Variants in PIP5K1B observed in about 807,000 individuals in gnomAD.
PIP5K1B encodes phosphatidylinositol 4-phosphate 5-kinase type-1 beta.
Under a neutral mutation model 67.0 loss-of-function variants are expected in PIP5K1B, and 42 were observed. The observed-to-expected ratio is 0.63, with a 90% confidence interval of 0.49 to 0.81. The LOEUF is 0.81. Ranked by LOEUF, PIP5K1B falls within the 30% of genes least tolerant of loss-of-function variation. The pLI is 0.00. For missense variants in PIP5K1B, 459 were observed against 646.3 expected (o/e 0.71, Z 3.14); for synonymous variants, 214 against 231.4 (o/e 0.92, Z 0.68).
chr9:68,989,120 A>T (rs1235151695), intron 14 of PIP5K1B, among the ~76,000 whole-genome samples: 1 of 147,724 alleles, frequency 6.8e-6, no homozygotes. Context: ...AAAAAAAAAA[A>T]TCCACACAAT....
At chr9:68,708,998 A>G (rs773144337) in intron 1 of PIP5K1B, among the ~76,000 whole-genome samples, 18 of 152,220 alleles carry the variant, frequency 1.2e-4, no homozygotes, top group Non-Finnish European at 2.5e-4. Flanking sequence ...TATGGTCACA[A>G]AGATGATAGC....
intron 1 of PIP5K1B, among the ~76,000 whole-genome samples, chr9:68,729,485 A>C: frequency 6.6e-6 from 1 of 152,156 alleles, no homozygotes; most frequent in Admixed American, 6.5e-5. Flanking sequence ...AACTGTATTA[A>C]AATTTATATT....
At chr9:68,952,814 C>T (rs1029948698) in intron 14 of PIP5K1B, among the ~76,000 whole-genome samples, 2 of 151,470 alleles carry the variant, frequency 1.3e-5, no homozygotes, top group Non-Finnish European at 2.9e-5. Flanking sequence ...TGTCTGCCTG[C>T]CTGCCTGCCT....
At chr9:68,748,781 C>T (rs1390253164) in intron 2 of PIP5K1B, among the ~76,000 whole-genome samples, 1 of 152,000 alleles carries the variant, frequency 6.6e-6, no homozygotes, top group Non-Finnish European at 1.5e-5. Context: ...CCACCACGCC[C>T]TGCTATTTTT....
intron 8 of PIP5K1B, among the ~76,000 whole-genome samples, chr9:68,898,746 A>C (rs1352355307): frequency 6.6e-6 from 1 of 151,974 alleles, no homozygotes. Flanking sequence ...TAAAATCACC[A>C]TGTCCCAGTC....
chr9:68,959,822 G>A (rs1245239755), intron 14 of PIP5K1B, among the ~76,000 whole-genome samples: 1 of 152,154 alleles, frequency 6.6e-6, no homozygotes, highest in African/African-American at 2.4e-5. Context: ...TCTTTAAAAT[G>A]TCTAATTGGT....
chr9:68,797,209 G>GCT (rs1832341734), intron 2 of PIP5K1B, among the ~76,000 whole-genome samples: 1 of 152,148 alleles, frequency 6.6e-6, no homozygotes, highest in East Asian at 1.9e-4. Context: ...ACGATGCTTT[G>GCT]TTGTTATTTG....
At chr9:68,814,482 A>G (rs1833331872) in intron 2 of PIP5K1B, among the ~76,000 whole-genome samples, 3 of 152,204 alleles carry the variant, frequency 2.0e-5, no homozygotes, top group Non-Finnish European at 2.9e-5. Flanking sequence ...ACAGGAGAAC[A>G]TGGCAAAACT....
chr9:68,849,726 C>T (rs1822385062), intron 4 of PIP5K1B, among the ~76,000 whole-genome samples: 1 of 152,152 alleles, frequency 6.6e-6, no homozygotes, highest in Non-Finnish European at 1.5e-5. Context: ...GAGAAAAAAG[C>T]CCCAAACACA....
At chr9:68,961,308 A>G (rs960217778) in intron 14 of PIP5K1B, among the ~76,000 whole-genome samples, 2 of 152,228 alleles carry the variant, frequency 1.3e-5, no homozygotes, top group East Asian at 3.9e-4. Context: ...GGGGAAATGG[A>G]GTAACTATTA....
chr9:68,893,794 T>G (rs1026840935), intron 7 of PIP5K1B, among the ~76,000 whole-genome samples: 4 of 152,200 alleles, frequency 2.6e-5, no homozygotes, highest in African/African-American at 9.6e-5. Context: ...TAAAAATACA[T>G]AAGTAATCAA....
intron 1 of PIP5K1B, among the ~76,000 whole-genome samples, chr9:68,732,170 T>C (rs1168433371): frequency 6.6e-6 from 1 of 152,250 alleles, no homozygotes; most frequent in African/African-American, 2.4e-5. Flanking sequence ...ATACCTCTCC[T>C]TTGGGACTTA....
chr9:68,989,094 CAAAA>C (rs71353097), intron 14 of PIP5K1B, among the ~76,000 whole-genome samples: 18 of 55,992 alleles, frequency 3.2e-4, no homozygotes, highest in East Asian at 3.0e-3. Flanking sequence ...GACTCCGTCT[CAAAA>C]AAAAAAAAAA....
At chr9:68,852,371 G>A (rs1822537413) in intron 4 of PIP5K1B, among the ~76,000 whole-genome samples, 1 of 151,858 alleles carries the variant, frequency 6.6e-6, no homozygotes, top group Admixed American at 6.6e-5. Context: ...CCATAAAAAG[G>A]TAAGAGAATG....
intron 2 of PIP5K1B, among the ~76,000 whole-genome samples, chr9:68,808,170 C>G (rs939091827): frequency 1.3e-5 from 2 of 152,116 alleles, no homozygotes; most frequent in African/African-American, 4.8e-5. Context: ...TGCACTCCAG[C>G]CTGGGTGACA....
At chr9:68,927,780 CT>C (rs1171495095) in intron 12 of PIP5K1B, among the ~76,000 whole-genome samples, 1 of 151,580 alleles carries the variant, frequency 6.6e-6, no homozygotes, top group Non-Finnish European at 1.5e-5. Context: ...AATTTTTTTC[CT>C]TTTGTTGCTG....
chr9:68,776,726 T>C (rs1830936530), intron 2 of PIP5K1B, among the ~76,000 whole-genome samples: 1 of 152,224 alleles, frequency 6.6e-6, no homozygotes, highest in Non-Finnish European at 1.5e-5. Context: ...TCTGGTTTTG[T>C]GGCTTCACAG....
intron 2 of PIP5K1B, among the ~76,000 whole-genome samples, chr9:68,743,076 AG>A (rs1165442240): frequency 6.6e-6 from 1 of 152,200 alleles, no homozygotes; most frequent in Non-Finnish European, 1.5e-5. Flanking sequence ...ATTTTGTACT[AG>A]GCCCTAGGAG....
intron 2 of PIP5K1B, among the ~76,000 whole-genome samples, chr9:68,814,397 T>G (rs1172039559): frequency 6.6e-6 from 1 of 152,074 alleles, no homozygotes; most frequent in Non-Finnish European, 1.5e-5. Flanking sequence ...AAACAAAACA[T>G]TGTTATAGGC....
Sources: gnomAD v4.1 joint callset for allele counts (sites outside exome capture counted in the v4.1 genomes callset) on GRCh38, gnomAD v4.1.1 for gene constraint, MANE v1.5 for transcripts, NCBI Gene and HGNC (gene_info 2026-07-23, HGNC 2026-07-21) for gene names.